MYO16: variants seen among roughly 807,000 people sequenced by gnomAD.
MYO16 encodes the protein unconventional myosin-XVI.
In MYO16, 94 loss-of-function variants were observed where a neutral mutation model predicts 205.3. The ratio of observed to expected loss-of-function variants is 0.46; its 90% CI spans 0.39 to 0.54. MYO16 has a LOEUF of 0.54. Among genes scored for constraint, MYO16 ranks in the 20% least tolerant of loss-of-function variants. MYO16 has a pLI of 0.00. For missense variants in MYO16, 2,315 were observed against 2,387.5 expected, an observed-to-expected ratio of 0.97 and a Z score of 0.63; for synonymous variants, 988 against 954.0, an observed-to-expected ratio of 1.04 and a Z score of -0.66.
At chr13:109,124,546 C>A (rs542420339) in intron 29 of MYO16, among the ~76,000 whole-genome samples, 1 of 152,296 alleles carries the variant, frequency 6.6e-6, no homozygotes, top group East Asian at 1.9e-4. Flanking sequence ...CATTTTCACT[C>A]ATTTCCCCCA....
chr13:109,148,712 C>T lies in MYO16; in HGVS notation c.5164+7336C>T, dbSNP rs188382295. ...TCGGATCCTCCCAAAATGTCAGTGA[C>T]GTGGGAAAAGTGAGGAGCCGCTGCA... On this transcript the variant is annotated intron_variant, in intron 32 of 34. Transcript: ENST00000457511. Among the ~76,000 whole-genome samples, 10 of 152,208 alleles carry T rather than the reference C, an allele frequency of 6.6e-5. No homozygotes were observed. The South Asian group carries it at 1.0e-3, about 16-fold the overall frequency.
intron 2 of MYO16, among the ~76,000 whole-genome samples, chr13:108,667,320 G>GTTTTTT (rs770988720): frequency 1.9e-4 from 24 of 128,524 alleles, no homozygotes; most frequent in African/African-American, 2.6e-4. Context: ...TTTCTGTTTT[G>GTTTTTT]TTTTTTTTTT....
intron 9 of MYO16, among the ~76,000 whole-genome samples, chr13:108,830,428 C>T (rs546423092): frequency 7.3e-5 from 11 of 151,276 alleles, no homozygotes; most frequent in African/African-American, 2.7e-4. Flanking sequence ...TACTGTGCAG[C>T]CATAAAAAAG....
chr13:109,176,251 T>C (rs900554497), intron 33 of MYO16, among the ~76,000 whole-genome samples: 2 of 150,632 alleles, frequency 1.3e-5, no homozygotes, highest in Non-Finnish European at 2.9e-5. Context: ...TATTACTTAT[T>C]AGCCATTCAT....
chr13:108,967,097 C>G (rs1458385285), intron 20 of MYO16, among the ~76,000 whole-genome samples: 1 of 151,502 alleles, frequency 6.6e-6, no homozygotes, highest in African/African-American at 2.4e-5. Context: ...AATAGACATA[C>G]TTTTCATCCA....
the MYO16 span, among the ~76,000 whole-genome samples, chr13:108,553,545 A>G: frequency 6.6e-6 from 1 of 152,160 alleles, no homozygotes; most frequent in Non-Finnish European, 1.5e-5. Context: ...CATGTTTACC[A>G]TTTCATTCTC....
intron 4 of MYO16, among the ~76,000 whole-genome samples, chr13:108,735,020 A>T (rs1884643466): frequency 6.6e-6 from 1 of 152,174 alleles, no homozygotes; most frequent in African/African-American, 2.4e-5. Context: ...CTCAGCTGTG[A>T]CTTTTTGGAT....
intron 23 of MYO16, among the ~76,000 whole-genome samples, chr13:109,040,381 C>CAGAGAGAGAGAGAGAG (rs1886843669): frequency 1.4e-5 from 1 of 72,476 alleles, no homozygotes; most frequent in Non-Finnish European, 2.7e-5. Context: ...CACACACACA[C>CAGAGAGAGAGAGAGAG]ACACAGAGAG....
intron 34 of MYO16, among the ~76,000 whole-genome samples, chr13:109,181,580 C>T (rs1879452915): frequency 6.6e-6 from 1 of 152,138 alleles, no homozygotes; most frequent in Non-Finnish European, 1.5e-5. Flanking sequence ...TTAGCCTCAT[C>T]AGCAGTTTTA....
intron 6 of MYO16, among the ~76,000 whole-genome samples, chr13:108,804,393 G>A (rs907699230): frequency 6.6e-6 from 1 of 152,008 alleles, no homozygotes; most frequent in African/African-American, 2.4e-5. Context: ...GGAGAGGAAT[G>A]TTCTGAGACA....
intron 28 of MYO16, among the ~76,000 whole-genome samples, chr13:109,105,081 C>T (rs543087593): frequency 2.8e-4 from 42 of 152,332 alleles, no homozygotes; most frequent in African/African-American, 9.6e-4. Context: ...ACAGGACAGA[C>T]ACTCTGTGCC....
chr13:108,758,951 T>C (rs1193575230), intron 4 of MYO16, among the ~76,000 whole-genome samples: 1 of 152,246 alleles, frequency 6.6e-6, no homozygotes, highest in South Asian at 2.1e-4. Flanking sequence ...TTGTATCTAT[T>C]ACAACTGCTG....
intron 1 of MYO16, among the ~76,000 whole-genome samples, chr13:108,621,341 C>T (rs116112234): frequency 0.036 from 5,457 of 152,128 alleles, 305 homozygotes; most frequent in African/African-American, 0.12. Flanking sequence ...ACTTATTTGC[C>T]GTTTTGCTCT....
intron 1 of MYO16, among the ~76,000 whole-genome samples, chr13:108,615,458 A>G (rs1879316044): frequency 6.6e-6 from 1 of 152,124 alleles, no homozygotes; most frequent in Non-Finnish European, 1.5e-5. Flanking sequence ...GTATAGACCC[A>G]GGAGAACTGA....
intron 28 of MYO16, among the ~76,000 whole-genome samples, chr13:109,107,739 T>C (rs1889160682): frequency 6.6e-6 from 1 of 150,926 alleles, no homozygotes; most frequent in African/African-American, 2.4e-5. Flanking sequence ...ATGTTGAAAA[T>C]AATAAGCATT....
At chr13:108,660,137 A>G (rs11839072) in intron 1 of MYO16, among the ~76,000 whole-genome samples, 7,645 of 152,244 alleles carry the variant, frequency 0.05, 531 homozygotes, top group East Asian at 0.14. Context: ...TAGCTATTGT[A>G]GAAGTATAAG....
intron 4 of MYO16, among the ~76,000 whole-genome samples, chr13:108,776,022 C>A (rs1487249752): frequency 6.6e-6 from 1 of 152,070 alleles, no homozygotes; most frequent in African/African-American, 2.4e-5. Context: ...ATTGTTATAA[C>A]CTGAGAAACA....
chr13:109,031,464 T>C (rs1280975254), intron 23 of MYO16, among the ~76,000 whole-genome samples: 1 of 152,336 alleles, frequency 6.6e-6, no homozygotes, highest in Admixed American at 6.5e-5. Context: ...ATTACTTTGA[T>C]TTGATTTGTT....
intron 21 of MYO16, among the ~76,000 whole-genome samples, chr13:108,994,012 G>T (rs1003200505): frequency 4.6e-5 from 7 of 152,080 alleles, no homozygotes; most frequent in Non-Finnish European, 8.8e-5. Flanking sequence ...TCCACACCCA[G>T]ACATAATTGT....
Sources: gnomAD v4.1 joint callset for allele counts (sites outside exome capture counted in the v4.1 genomes callset) on GRCh38, gnomAD v4.1.1 for gene constraint, MANE v1.5 for transcripts, NCBI Gene and HGNC (gene_info 2026-07-23, HGNC 2026-07-21) for gene names.